Variants in AVEN observed in about 807,000 individuals in gnomAD.
AVEN encodes the protein apoptosis and caspase activation inhibitor.
A neutral mutation model predicts 38.1 loss-of-function variants in AVEN; 41 were observed. The observed-to-expected ratio is 1.08, with a 90% confidence interval of 0.84 to 1.40. The LOEUF is 1.40. Ranked by LOEUF, AVEN falls within the 40% of genes most tolerant of loss-of-function variation. The probability of loss-of-function intolerance (pLI) is 0.00; values close to 1 mark genes in which losing one functional copy is unlikely to be tolerated. For synonymous variants in AVEN, 206 were observed against 171.8 expected (o/e 1.20, Z -1.56); for missense variants, 605 against 438.8 (o/e 1.38, Z -3.38).
chr15:33,988,027 C>A (rs1896552873), intron 2 of AVEN, among the ~76,000 whole-genome samples: 1 of 152,216 alleles, frequency 6.6e-6, no homozygotes, highest in Non-Finnish European at 1.5e-5. Context: ...CACCCTCCAA[C>A]ACAACTGGGA....
At chr15:33,960,094 G>A (rs901975705) in intron 2 of AVEN, among the ~76,000 whole-genome samples, 1 of 152,170 alleles carries the variant, frequency 6.6e-6, no homozygotes, top group Admixed American at 6.5e-5. Flanking sequence ...ATAAGGGACC[G>A]TGATCAGATA....
chr15:34,018,234 C>G (rs1338205704), intron 1 of AVEN: 1 of 152,144 alleles, frequency 6.6e-6, no homozygotes, highest in Admixed American at 6.5e-5. Context: ...TCCAGTGGTA[C>G]AAGATGTGGA....
intron 1 of AVEN, among the ~76,000 whole-genome samples, chr15:34,011,073 T>C (rs1171977571): frequency 6.6e-6 from 1 of 152,122 alleles, no homozygotes; most frequent in African/African-American, 2.4e-5. Flanking sequence ...ATTCCTATAA[T>C]ACCTGCACTT....
At chr15:34,021,943 G>A (rs1406760455) in intron 1 of AVEN, among the ~76,000 whole-genome samples, 3 of 152,190 alleles carry the variant, frequency 2.0e-5, no homozygotes, top group Middle Eastern at 3.2e-3. Flanking sequence ...CAGCACTTGT[G>A]CAAGCAGCAT....
At chr15:33,972,965 C>T (rs535224393) in intron 2 of AVEN, among the ~76,000 whole-genome samples, 13 of 152,284 alleles carry the variant, frequency 8.5e-5, no homozygotes, top group Admixed American at 7.8e-4. Context: ...ATTGCTTGAT[C>T]CAGTGGTGTG....
At chr15:33,932,550 G>A (rs1438013558) in intron 2 of AVEN, among the ~76,000 whole-genome samples, 4 of 152,198 alleles carry the variant, frequency 2.6e-5, no homozygotes, top group Non-Finnish European at 4.4e-5. Flanking sequence ...GTCTGGGCTG[G>A]GCGCGGTGGC....
Position 33,867,808 on chromosome 15 carries a change from A to T in AVEN, c.660T>A (p.Asp220Glu). 6.2e-7 allele frequency: 1 copy of T among 1,609,844 alleles called. No individual in the cohort carries two copies. Among genetic ancestry groups the T allele is most frequent in the Non-Finnish European group, 8.5e-7 (1 of 1,178,760 alleles). ...ACTGCATCCCTAATCCCTTGCCATC[A>T]TCAGTTCTCTTTGGTTTCACCTGAG... is the stretch of plus-strand genomic sequence containing the variant. ...EVPQVKPKRT[D>E]DGKGLGMQLK... The change falls in exon 5 of 6, where the codon GAT becomes GAA. Residue 220 changes from aspartate (D) to glutamate (E), a missense_variant. Transcript: ENST00000306730.
intron 2 of AVEN, among the ~76,000 whole-genome samples, chr15:33,890,377 A>T (rs1848968586): frequency 6.6e-6 from 1 of 152,214 alleles, no homozygotes; most frequent in Non-Finnish European, 1.5e-5. Flanking sequence ...TTTAGGAAGG[A>T]GGGAAATAAT....
At chr15:33,898,501 C>A (rs1451224844) in intron 2 of AVEN, among the ~76,000 whole-genome samples, 1 of 152,158 alleles carries the variant, frequency 6.6e-6, no homozygotes, top group Non-Finnish European at 1.5e-5. Context: ...GCCTTGCTAG[C>A]AACCCCTGAC....
chr15:33,939,667 A>G (rs890730431), intron 2 of AVEN, among the ~76,000 whole-genome samples: 1 of 152,236 alleles, frequency 6.6e-6, no homozygotes, highest in Non-Finnish European at 1.5e-5. Context: ...CATCTTAAAA[A>G]TAGGATGATT....
At chr15:34,000,247 C>A (rs1897086820) in intron 2 of AVEN, among the ~76,000 whole-genome samples, 1 of 152,156 alleles carries the variant, frequency 6.6e-6, no homozygotes, top group Non-Finnish European at 1.5e-5. Context: ...ATATACTCTT[C>A]TTGTTTGTCT....
upstream of AVEN, among the ~76,000 whole-genome samples, chr15:34,043,765 C>T (rs951980087): frequency 6.6e-6 from 1 of 152,150 alleles, no homozygotes; most frequent in African/African-American, 2.4e-5. Context: ...CTCCTTCCAC[C>T]CTCACTCTCA....
intron 1 of AVEN, among the ~76,000 whole-genome samples, chr15:34,015,307 C>T (rs2140683286): frequency 6.6e-6 from 1 of 152,142 alleles, no homozygotes; most frequent in East Asian, 1.9e-4. Flanking sequence ...CACAGTGAAA[C>T]CCCACCTCTA....
At chr15:33,950,494 TGA>T (rs558204587) in intron 2 of AVEN, among the ~76,000 whole-genome samples, 62 of 151,904 alleles carry the variant, frequency 4.1e-4, no homozygotes, top group African/African-American at 1.2e-3. Flanking sequence ...CTCAATAAGC[TGA>T]GAGGAAAAAA....
chr15:33,999,803 G>A (rs965314831), intron 2 of AVEN, among the ~76,000 whole-genome samples: 2 of 152,124 alleles, frequency 1.3e-5, no homozygotes, highest in Non-Finnish European at 2.9e-5. Context: ...CTCCCCTCTT[G>A]CCAGTCTTCA....
chr15:34,038,949 G>T lies in AVEN; in HGVS notation c.98C>A (p.Ala33Glu). The T allele has an allele frequency of 1.5e-5, 16 of 1,102,534 alleles. No individual in the cohort carries two copies. The highest frequency in any genetic ancestry group is 1.6e-5 in the Non-Finnish European group (15 of 910,842). 68.3% of individuals were successfully genotyped at this position (1,102,534 alleles called of 1,614,324 possible). The change falls in exon 1 of 6, where the codon GCG (alanine) becomes GAG (glutamate). Residue 33 changes from alanine (A) to glutamate (E), a missense_variant. Physicochemically the swap from Ala to Glu is moderately radical, Grantham distance 107. Coordinates refer to ENST00000306730, the MANE Select transcript of AVEN (RefSeq NM_020371.3). Reference protein sequence around the residue: ...DRHSERPGAAAAVARGGGGGG... With the variant: ...DRHSERPGAAEAVARGGGGGG... ...TCCGCCGCCGCCTCTGGCTACCGCCGCTGCGGCTCCGGGCCGCTCGCTGTG... is the reference window on the plus strand; with the variant it reads ...TCCGCCGCCGCCTCTGGCTACCGCCTCTGCGGCTCCGGGCCGCTCGCTGTG...
At chr15:34,074,248 T>A (rs1200673957) in intron 1 of AVEN, among the ~76,000 whole-genome samples, 1 of 151,880 alleles carries the variant, frequency 6.6e-6, no homozygotes, top group Non-Finnish European at 1.5e-5. Flanking sequence ...TCCACCCGCC[T>A]CAGCCTCCCA....
intron 2 of AVEN, chr15:33,971,985 A>T (rs1222916461): frequency 6.6e-6 from 1 of 152,116 alleles, no homozygotes; most frequent in Non-Finnish European, 1.5e-5. Context: ...TGAACTAGCT[A>T]AAAGAGAGAT....
intron 2 of AVEN, among the ~76,000 whole-genome samples, chr15:33,938,080 T>C (rs1894163592): frequency 6.6e-6 from 1 of 151,864 alleles, no homozygotes; most frequent in African/African-American, 2.4e-5. Flanking sequence ...ATAATCATAA[T>C]ATCTTAGGGG....
Sources: gnomAD v4.1 joint callset for allele counts (sites outside exome capture counted in the v4.1 genomes callset) on GRCh38, gnomAD v4.1.1 for gene constraint, MANE v1.5 for transcripts, NCBI Gene and HGNC (gene_info 2026-07-23, HGNC 2026-07-21) for gene names.